NRG1: variants seen among roughly 807,000 people sequenced by gnomAD.
NRG1 encodes pro-neuregulin-1, membrane-bound isoform.
Under a neutral mutation model 63.8 loss-of-function variants are expected in NRG1, and 18 were observed. That is an observed-to-expected ratio of 0.28 (90% CI 0.19 to 0.42). The LOEUF (loss-of-function observed/expected upper bound fraction) is 0.42. NRG1 is among the 10% of genes least tolerant of loss of function. The pLI, the probability that NRG1 is intolerant of heterozygous loss-of-function variation, is 1.00. For missense variants in NRG1, 762 were observed against 814.7 expected (o/e 0.94, Z 0.79); for synonymous variants, 302 against 301.3 (o/e 1.00, Z -0.02).
chr8:32,639,015 T>C (rs1384091407), intron 5 of NRG1, among the ~76,000 whole-genome samples: 1 of 152,140 alleles, frequency 6.6e-6, no homozygotes, highest in Non-Finnish European at 1.5e-5. Flanking sequence ...CTTTGTATTT[T>C]CATTTTGATC....
intron 1 of NRG1, among the ~76,000 whole-genome samples, chr8:31,744,504 G>A (rs1044427994): frequency 6.6e-6 from 1 of 151,950 alleles, no homozygotes; most frequent in Non-Finnish European, 1.5e-5. Flanking sequence ...CAACCCAATA[G>A]CAGGAAGGTT....
Position 31,700,628 on chromosome 8 carries a change from C to T in NRG1, c.37+61197C>T, listed in dbSNP as rs554706336. 2.0e-5 allele frequency among the ~76,000 whole-genome samples: 3 copies of T among 152,190 alleles called. No individual in the cohort carries two copies. In the East Asian group the frequency reaches 5.8e-4, roughly 29 times the overall value. Reference sequence around the variant, plus strand: ...AGGCCAAGTGAATTGCATCAGGGTGCCTGGTAGAAAAACTGGCATTAGAAC... The same window carrying T: ...AGGCCAAGTGAATTGCATCAGGGTGTCTGGTAGAAAAACTGGCATTAGAAC... On this transcript the variant is annotated intron_variant, in intron 1 of 10. Transcript: ENST00000519301.
At chr8:31,956,482 T>C (rs1013370595) in intron 1 of NRG1, among the ~76,000 whole-genome samples, 2 of 152,010 alleles carry the variant, frequency 1.3e-5, no homozygotes, top group East Asian at 1.9e-4. Flanking sequence ...TAGCCAGGCA[T>C]TGTGGCGGGT....
At chr8:31,831,134 C>T (rs1825116992) in intron 1 of NRG1, among the ~76,000 whole-genome samples, 1 of 151,736 alleles carries the variant, frequency 6.6e-6, no homozygotes, top group Non-Finnish European at 1.5e-5. Flanking sequence ...CAGAGTCTCA[C>T]TCTATCACCC....
At chr8:32,491,632 C>A (rs1210864536) in intron 1 of NRG1, among the ~76,000 whole-genome samples, 1 of 151,502 alleles carries the variant, frequency 6.6e-6, no homozygotes, top group African/African-American at 2.4e-5. Context: ...GCTCCCCAGG[C>A]TCTAGCCATC....
intron 1 of NRG1, among the ~76,000 whole-genome samples, chr8:31,960,036 T>C (rs939759940): frequency 2.0e-5 from 3 of 152,138 alleles, no homozygotes; most frequent in Admixed American, 1.3e-4. Flanking sequence ...ATGACTTAAT[T>C]AGGTCTGTCC....
chr8:31,864,517 G>A (rs1005824021), intron 1 of NRG1, among the ~76,000 whole-genome samples: 3 of 152,248 alleles, frequency 2.0e-5, no homozygotes, highest in Non-Finnish European at 2.9e-5. Flanking sequence ...GCCAGGCCCA[G>A]GCCAGTGGGT....
chr8:32,220,467 G>A (rs944769664), intron 1 of NRG1, among the ~76,000 whole-genome samples: 7 of 152,088 alleles, frequency 4.6e-5, no homozygotes, highest in African/African-American at 1.7e-4. Flanking sequence ...GAAAACTGGG[G>A]CTCAAGGAGG....
intron 1 of NRG1, among the ~76,000 whole-genome samples, chr8:31,867,151 ATGTTTCCTGCTT>A (rs1454114156): frequency 6.6e-6 from 1 of 152,114 alleles, no homozygotes; most frequent in Non-Finnish European, 1.5e-5. Flanking sequence ...AATAAGAAAG[ATGTTTCCTGCTT>A]TGTTTCCTTT....
rs1005428564 is a variant in NRG1, at chr8:32,348,345, A to G, written c.38-247483A>G. Among the ~76,000 whole-genome samples the G allele has an allele frequency of 5.3e-5, 8 of 152,046 alleles. No homozygotes were observed. In the East Asian group the frequency reaches 1.3e-3, roughly 26 times the overall value. On this transcript the variant is annotated intron_variant, in intron 1 of 10. Transcript: ENST00000519301. ...TTCACACCACTTTTTAGTGGATTCCATCCTGTCTCTCTTCTTGTGACCATA... is the reference window on the plus strand; with the variant it reads ...TTCACACCACTTTTTAGTGGATTCCGTCCTGTCTCTCTTCTTGTGACCATA...
chr8:32,182,457 G>T (rs188588101), intron 1 of NRG1, among the ~76,000 whole-genome samples: 1 of 152,266 alleles, frequency 6.6e-6, no homozygotes, highest in African/African-American at 2.4e-5. Flanking sequence ...ATGTTGGCCA[G>T]GCTGGTCTCC....
At chr8:32,318,653 A>T (rs777705661) in intron 1 of NRG1, among the ~76,000 whole-genome samples, 1 of 152,176 alleles carries the variant, frequency 6.6e-6, no homozygotes, top group Non-Finnish European at 1.5e-5. Context: ...GTTTTCACTT[A>T]CAAAGCAGTT....
At chr8:31,857,595 T>A (rs1442054985) in intron 1 of NRG1, among the ~76,000 whole-genome samples, 2 of 152,238 alleles carry the variant, frequency 1.3e-5, no homozygotes, top group Non-Finnish European at 2.9e-5. Context: ...CACTGGGAGC[T>A]GTAGACCAGA....
intron 1 of NRG1, among the ~76,000 whole-genome samples, chr8:31,949,682 A>G (rs1463348232): frequency 6.6e-6 from 1 of 152,146 alleles, no homozygotes; most frequent in Admixed American, 6.5e-5. Context: ...GTTCTGGGTC[A>G]TCTTCTCTTG....
At chr8:32,342,518 A>G (rs558233112) in intron 1 of NRG1, among the ~76,000 whole-genome samples, 21 of 152,278 alleles carry the variant, frequency 1.4e-4, no homozygotes, top group Non-Finnish European at 2.4e-4. Flanking sequence ...GTAGCTAATC[A>G]AGTTTTCACA....
At chr8:32,026,996 T>G (rs1467686264) in intron 1 of NRG1, among the ~76,000 whole-genome samples, 2 of 152,118 alleles carry the variant, frequency 1.3e-5, no homozygotes, top group Non-Finnish European at 2.9e-5. Flanking sequence ...TTTTTCTAAT[T>G]TATGTATTAG....
chr8:32,689,080 A>T (rs908581998), intron 5 of NRG1, among the ~76,000 whole-genome samples: 1 of 152,178 alleles, frequency 6.6e-6, no homozygotes, highest in Non-Finnish European at 1.5e-5. Context: ...GATATGACTA[A>T]AAAGCAACCG....
intron 1 of NRG1, among the ~76,000 whole-genome samples, chr8:31,991,778 A>G (rs1223874890): frequency 6.6e-6 from 1 of 151,536 alleles, no homozygotes; most frequent in Non-Finnish European, 1.5e-5. Flanking sequence ...CTCCTTCCCC[A>G]ATTTCCCTTT....
intron 1 of NRG1, among the ~76,000 whole-genome samples, chr8:31,933,498 T>C (rs1835035468): frequency 1.3e-5 from 2 of 152,162 alleles, no homozygotes; most frequent in Admixed American, 1.3e-4. Flanking sequence ...TCCAGGCTGG[T>C]CTCGAACCCC....
Sources: allele counts gnomAD v4.1 joint callset (sites outside exome capture counted in the v4.1 genomes callset), GRCh38; gene constraint gnomAD v4.1.1; transcripts MANE v1.5; gene names NCBI Gene and HGNC (gene_info 2026-07-23, HGNC 2026-07-21).